TRERF1: variants seen among roughly 807,000 people sequenced by gnomAD.
TRERF1 encodes the protein transcriptional-regulating factor 1.
TRERF1 carries 27 observed loss-of-function variants against 122.9 expected under a neutral mutation model. The ratio of observed to expected loss-of-function variants is 0.22; its 90% CI spans 0.16 to 0.30. The LOEUF (loss-of-function observed/expected upper bound fraction) is 0.30. Ranked by LOEUF, TRERF1 falls within the 10% of genes least tolerant of loss-of-function variation. The pLI, the probability that TRERF1 is intolerant of heterozygous loss-of-function variation, is 1.00. For missense variants in TRERF1, 1,248 were observed against 1,560.3 expected (o/e 0.80, Z 3.37); for synonymous variants, 636 against 641.7 (o/e 0.99, Z 0.13).
At chr6:42,254,222 T>A (rs1336357429) in intron 13 of TRERF1, among the ~76,000 whole-genome samples, 1 of 152,232 alleles carries the variant, frequency 6.6e-6, no homozygotes, top group Non-Finnish European at 1.5e-5. Context: ...ATTTAATAAC[T>A]GCCTCCTCCT....
chr6:42,329,104 GACTC>G (rs1020686953), intron 3 of TRERF1, among the ~76,000 whole-genome samples: 71 of 151,948 alleles, frequency 4.7e-4, no homozygotes, highest in African/African-American at 1.5e-3. Context: ...TACCTGACTT[GACTC>G]AGTGCTGGTT....
In TRERF1 at chr6:42,276,666, C is replaced by T. The variant is rs1437990937; in HGVS notation, c.-258-6818G>A. Among the ~76,000 whole-genome samples, 1 of 152,272 alleles carries T rather than the reference C, an allele frequency of 6.6e-6. No individual in the cohort carries two copies. The highest frequency in any genetic ancestry group is 2.4e-5 in the African/African-American group (1 of 41,546). On this transcript the variant is annotated intron_variant, in intron 4 of 17. Coordinates refer to ENST00000372922, the Ensembl canonical transcript of TRERF1. The surrounding 1 kb of genome is among the most constrained non-coding windows in gnomAD (Gnocchi z 4.3). ...GTGGGTATTTTATAATCCAGTAACC[C>T]GATTATTGTGGACATGTGCTGCCAA...
intron 4 of TRERF1, among the ~76,000 whole-genome samples, chr6:42,299,094 A>ATCTG (rs1226466373): frequency 2.8e-4 from 40 of 143,154 alleles, no homozygotes; most frequent in East Asian, 8.2e-4. Flanking sequence ...CTATCTATCT[A>ATCTG]TCTGTCTGTC....
intron 3 of TRERF1, among the ~76,000 whole-genome samples, chr6:42,360,740 A>C (rs999261713): frequency 2.4e-4 from 34 of 139,398 alleles, no homozygotes; most frequent in Non-Finnish European, 3.1e-5. Flanking sequence ...CCTGAGGATG[A>C]ACTGACCCAG....
chr6:42,315,716 C>CCA, intron 3 of TRERF1, among the ~76,000 whole-genome samples: 1 of 138,500 alleles, frequency 7.2e-6, no homozygotes, highest in East Asian at 2.2e-4. Flanking sequence ...ACCCCCCCCC[C>CCA]CACCCACTGC....
intron 2 of TRERF1, among the ~76,000 whole-genome samples, chr6:42,376,202 G>C (rs1774827443): frequency 1.3e-5 from 2 of 152,168 alleles, no homozygotes; most frequent in African/African-American, 4.8e-5. Context: ...TTTCACACAT[G>C]CTTGCTCTTA....
chr6:42,337,996 T>G (rs1766521593), intron 3 of TRERF1, among the ~76,000 whole-genome samples: 1 of 152,198 alleles, frequency 6.6e-6, no homozygotes, highest in Admixed American at 6.5e-5. Context: ...GGCCCTACCC[T>G]GGACCTCCTG....
chr6:42,408,355 GTATATATA>G (rs1343646533), intron 2 of TRERF1, among the ~76,000 whole-genome samples: 1 of 102,452 alleles, frequency 9.8e-6, no homozygotes, highest in Non-Finnish European at 1.8e-5. Context: ...GTGTGTGTGT[GTATATATA>G]TATATATATC....
intron 3 of TRERF1, among the ~76,000 whole-genome samples, chr6:42,353,457 G>A (rs1581743057): frequency 1.3e-5 from 2 of 151,906 alleles, no homozygotes; most frequent in East Asian, 1.9e-4. Flanking sequence ...GCGTGGTGGC[G>A]GGTGCCTACA....
rs528738556 is a variant in TRERF1 at position 42,289,974 on chromosome 6, C to T, written c.-259+10664G>A. On this transcript the variant is annotated intron_variant, in intron 4 of 17. Transcript: ENST00000372922. ...AGATGTCAGGTTCACATCTATGAAG[C>T]GTGGAGCACTGGGAGAGCTGTTTCA... Among the ~76,000 whole-genome samples the T allele has an allele frequency of 3.1e-4, 47 of 152,204 alleles. 1 individual carries two copies. The highest frequency in any genetic ancestry group is 1.0e-3 in the African/African-American group (43 of 41,536).
At chr6:42,414,477 G>C (rs909877842) in intron 2 of TRERF1, among the ~76,000 whole-genome samples, 6 of 152,092 alleles carry the variant, frequency 3.9e-5, no homozygotes, top group Admixed American at 3.3e-4. Flanking sequence ...GTGTCACCCT[G>C]TACTATTACT....
chr6:42,238,587 T>A (rs574741201), intron 15 of TRERF1, among the ~76,000 whole-genome samples: 1 of 152,028 alleles, frequency 6.6e-6, no homozygotes, highest in Non-Finnish European at 1.5e-5. Flanking sequence ...TGGGCAAATA[T>A]GGGGGTGGGG....
At chr6:42,424,556 C>T (rs1438983947) in intron 2 of TRERF1, among the ~76,000 whole-genome samples, 1 of 152,148 alleles carries the variant, frequency 6.6e-6, no homozygotes, top group Non-Finnish European at 1.5e-5. Context: ...ACTTCAGTCC[C>T]AAGAATTTTG....
rs1020141043 is a variant in TRERF1, at chr6:42,263,361, T to C, written c.1843A>G (p.Lys615Glu). 13 of 1,612,870 alleles carry C rather than the reference T, an allele frequency of 8.1e-6. No individual in the cohort carries two copies. The highest frequency in any genetic ancestry group is 2.7e-5 in the African/African-American group (2 of 74,922). Residue 615 changes from lysine (K) to glutamate (E), a missense_variant, in exon 8 of 18, where the codon AAG (lysine) becomes GAG (glutamate). By Grantham distance (56) the Lys-to-Glu change is moderately conservative (BLOSUM62 1). Transcript: ENST00000372922. The surrounding 1 kb of genome is among the most constrained non-coding windows in gnomAD (Gnocchi z 5.6). Reference sequence around the variant, plus strand: ...TCGTCCGACATCGAGCTGGCTGGCTTGTCTCTGGCGGAGGGGGCGGCAACG... The same window carrying C: ...TCGTCCGACATCGAGCTGGCTGGCTCGTCTCTGGCGGAGGGGGCGGCAACG...
chr6:42,338,410 G>A (rs1052313246), intron 3 of TRERF1, among the ~76,000 whole-genome samples: 3 of 152,220 alleles, frequency 2.0e-5, no homozygotes, highest in Admixed American at 1.3e-4. Flanking sequence ...ACACACGCAT[G>A]TGCACAGAGG....
chr6:42,333,649 C>A (rs1418881525), intron 3 of TRERF1, among the ~76,000 whole-genome samples: 1 of 152,246 alleles, frequency 6.6e-6, no homozygotes, highest in African/African-American at 2.4e-5. Context: ...GACTGCCCCC[C>A]ATTCCAACAG....
At position 42,259,222 on chromosome 6, in the gene TRERF1, A is replaced by G. The variant is rs1777332255; in HGVS notation, c.2269+117T>C. ...CTTAACACCCAGCAGCGCGTGCTAC[A>G]TACAGCCAATACTCCGCAAAAGTCT... On this transcript the variant is annotated intron_variant, in intron 9 of 17. Transcript: ENST00000372922. This position sits in a 1 kb window ranked among gnomAD's most constrained non-coding sequence, Gnocchi z 4.9. The G allele has an allele frequency of 2.2e-6, 3 of 1,359,004 alleles. No homozygotes were observed. Among genetic ancestry groups the G allele is most frequent in the African/African-American group, 2.9e-5 (2 of 68,288 alleles). The allele number at this position is 1,359,004 out of a possible 1,614,324, so 84.2% of individuals were successfully genotyped here. A position where few individuals can be genotyped will look rare whatever the true frequency, so the allele number is the denominator to read the frequency against.
In TRERF1 at chr6:42,411,434, A is replaced by G. The variant is rs1483009618; in HGVS notation, c.-454+39743T>C. Among the ~76,000 whole-genome samples, 5 of 152,318 alleles carry G rather than the reference A, an allele frequency of 3.3e-5. No homozygotes were observed. The East Asian group carries it at 7.7e-4, about 23-fold the overall frequency. The stretch of plus-strand genomic sequence containing the variant: ...GGGACAGGACAGGGTCTTGGTCCCA[A>G]TTCGGGACCTGGATATCAGGCACGT... On this transcript the variant is annotated intron_variant, in intron 2 of 17. Coordinates refer to ENST00000372922, the Ensembl canonical transcript of TRERF1.
intron 2 of TRERF1, among the ~76,000 whole-genome samples, chr6:42,380,365 G>A (rs961818025): frequency 9.2e-5 from 14 of 152,268 alleles, no homozygotes; most frequent in Admixed American, 7.8e-4. Flanking sequence ...GGACTTCCCC[G>A]ACCACTGCTA....
Sources: gnomAD v4.1 joint callset for allele counts (sites outside exome capture counted in the v4.1 genomes callset) on GRCh38, gnomAD v4.1.1 for gene constraint, Gnocchi (gnomAD v3.1) non-coding constraint, MANE v1.5 for transcripts, NCBI Gene and HGNC (gene_info 2026-07-23, HGNC 2026-07-21) for gene names.